NREP: variants seen among roughly 807,000 people sequenced by gnomAD.
The protein encoded by NREP is neuronal regeneration related protein.
A neutral mutation model predicts 8.6 loss-of-function variants in NREP; 5 were observed. That is an observed-to-expected ratio of 0.58 (90% CI 0.30 to 1.22). The LOEUF is 1.22. Among genes scored for constraint, NREP ranks in the 50% most tolerant of loss-of-function variants. The probability of loss-of-function intolerance (pLI) is 0.07; values close to 1 mark genes in which losing one functional copy is unlikely to be tolerated. For missense variants in NREP, 86 were observed against 82.5 expected (o/e 1.04, Z -0.17); for synonymous variants, 27 against 28.0 (o/e 0.96, Z 0.11).
intron 2 of NREP, among the ~76,000 whole-genome samples, chr5:111,897,364 A>G (rs903941733): frequency 6.6e-6 from 1 of 152,210 alleles, no homozygotes; most frequent in African/African-American, 2.4e-5. Context: ...TGCATTCTAC[A>G]AGGCAACTCA....
chr5:111,931,526 G>A (rs185370809), intron 2 of NREP, among the ~76,000 whole-genome samples: 8 of 152,222 alleles, frequency 5.3e-5, no homozygotes, highest in Admixed American at 5.2e-4. Context: ...TGCAGTCTCT[G>A]CCTACATTCT....
intron 2 of NREP, among the ~76,000 whole-genome samples, chr5:111,881,316 C>T (rs1269565382): frequency 6.6e-6 from 1 of 152,196 alleles, no homozygotes; most frequent in Non-Finnish European, 1.5e-5. Context: ...GTAAACAAAG[C>T]AGCCTGGGAA....
chr5:111,756,391 T>G (rs1046161013), intron 1 of NREP: 9 of 350,060 alleles, frequency 2.6e-5, no homozygotes, highest in Middle Eastern at 1.4e-3. Context: ...TAAACATTAA[T>G]GTACATACTG....
chr5:111,916,184 G>A (rs1755052497), intron 2 of NREP, among the ~76,000 whole-genome samples: 2 of 151,984 alleles, frequency 1.3e-5, no homozygotes, highest in African/African-American at 4.8e-5. Flanking sequence ...ACTGTATATA[G>A]TTTTATAATT....
chr5:111,797,546 A>G (rs545132272), intron 2 of NREP, among the ~76,000 whole-genome samples: 1 of 152,356 alleles, frequency 6.6e-6, no homozygotes, highest in Admixed American at 6.5e-5. Context: ...TACTAAATAT[A>G]AAGCTGATAA....
intron 2 of NREP, chr5:111,974,331 T>C (rs1345416079): frequency 2.0e-5 from 3 of 152,158 alleles, no homozygotes; most frequent in African/African-American, 4.8e-5. Context: ...CTCAAAGAAA[T>C]AGATGTGGAA....
At chr5:111,757,545 G>A (rs1750806605), upstream of NREP, 4 of 984,766 alleles carry the variant, frequency 4.1e-6, no homozygotes, top group Non-Finnish European at 3.6e-6. Flanking sequence ...CAGCCGCCTA[G>A]GAGCCAGACT....
intron 2 of NREP, among the ~76,000 whole-genome samples, chr5:111,837,244 C>A (rs1389763995): frequency 6.6e-6 from 1 of 151,986 alleles, no homozygotes; most frequent in Non-Finnish European, 1.5e-5. Flanking sequence ...ATTACTGATT[C>A]AAGATCCAGG....
At chr5:111,957,642 A>T (rs1378533874) in intron 2 of NREP, among the ~76,000 whole-genome samples, 1 of 151,888 alleles carries the variant, frequency 6.6e-6, no homozygotes, top group Admixed American at 6.6e-5. Context: ...ATGAACATGA[A>T]TGCAAAATTT....
chr5:111,886,452 C>A (rs1754251309), intron 2 of NREP, among the ~76,000 whole-genome samples: 1 of 152,102 alleles, frequency 6.6e-6, no homozygotes. Context: ...TACTATTTGA[C>A]CCAGCCATCC....
chr5:111,758,033 T>C, upstream of NREP: 1 of 985,458 alleles, frequency 1.0e-6, no homozygotes, highest in Non-Finnish European at 1.2e-6. Context: ...AAGCAGAAAA[T>C]GGTGCCTGCG....
At chr5:111,781,042 T>C (rs532644461) in intron 2 of NREP, among the ~76,000 whole-genome samples, 1 of 152,290 alleles carries the variant, frequency 6.6e-6, no homozygotes, top group Admixed American at 6.5e-5. Flanking sequence ...GGGTTTTTTA[T>C]ATAGGTCAAC....
chr5:111,928,073 C>A (rs1391264179), intron 2 of NREP, among the ~76,000 whole-genome samples: 1 of 152,122 alleles, frequency 6.6e-6, no homozygotes, highest in Non-Finnish European at 1.5e-5. Context: ...CTAAACACCT[C>A]TCCACTTGAC....
At chr5:111,890,963 G>A (rs1417752654) in intron 2 of NREP, among the ~76,000 whole-genome samples, 2 of 152,342 alleles carry the variant, frequency 1.3e-5, no homozygotes, top group South Asian at 2.1e-4. Context: ...GCAAGAGGTT[G>A]CACAGCAGCC....
At chr5:111,946,097 CACACAT>C (rs546479860) in intron 2 of NREP, among the ~76,000 whole-genome samples, 3,398 of 131,718 alleles carry the variant, frequency 0.026, 54 homozygotes, top group Non-Finnish European at 0.029. Context: ...CACACACACA[CACACAT>C]AAGAAAATAA....
intron 2 of NREP, among the ~76,000 whole-genome samples, chr5:111,752,707 T>C (rs1422980261): frequency 6.6e-6 from 1 of 152,330 alleles, no homozygotes; most frequent in East Asian, 1.9e-4. Context: ...GAACTTATAT[T>C]GTTCCAATTC....
At chr5:111,731,092 C>T (rs373413789) in intron 3 of NREP, 46 bp from the exon 4 acceptor site, 1 of 1,593,654 alleles carries the variant, frequency 6.3e-7, no homozygotes, top group Non-Finnish European at 8.6e-7. Flanking sequence ...ACATAAAAGA[C>T]AAAATTAGTC....
chr5:111,969,136 G>A (rs1022751945), intron 2 of NREP, among the ~76,000 whole-genome samples: 1 of 152,196 alleles, frequency 6.6e-6, no homozygotes, highest in African/African-American at 2.4e-5. Context: ...ATGGAAGATT[G>A]CCAGCCTAAA....
At chr5:111,946,038 G>C (rs941503410) in intron 2 of NREP, among the ~76,000 whole-genome samples, 2 of 150,922 alleles carry the variant, frequency 1.3e-5, no homozygotes, top group African/African-American at 2.4e-5. Flanking sequence ...AATGGACTAA[G>C]AGTGGAAAAG....
Sources: allele counts gnomAD v4.1 joint callset (sites outside exome capture counted in the v4.1 genomes callset), GRCh38; gene constraint gnomAD v4.1.1; transcripts MANE v1.5; gene names NCBI Gene and HGNC (gene_info 2026-07-23, HGNC 2026-07-21).